Variants in LZTR1 observed in about 807,000 individuals in gnomAD.
LZTR1 encodes leucine zipper like post translational regulator 1.
LZTR1 carries 260 observed loss-of-function variants against 105.7 expected under a neutral mutation model. The ratio of observed to expected loss-of-function variants is 2.46; its 90% confidence interval spans 2.22 to 2.72. LZTR1 has a LOEUF of 2.72. Among genes scored for constraint, LZTR1 ranks in the 30% most tolerant of loss-of-function variants. LZTR1 has a pLI of 0.00. For missense variants in LZTR1, 1,214 were observed against 1,166.9 expected (o/e 1.04, Z -0.59); for synonymous variants, 490 against 476.4 (o/e 1.03, Z -0.37).
chr22:20,993,615 C>A (rs752028371), intron 11 of LZTR1, 47 bp from the exon 12 acceptor site: 1 of 1,534,552 alleles, frequency 6.5e-7, no homozygotes, highest in Non-Finnish European at 9.0e-7. Context: ...CACACTGGGG[C>A]CACCCTGCTG....
In LZTR1 at chr22:20,996,753, C is replaced by T. The variant is rs997921403; in HGVS notation, c.2277C>T (p.Tyr759=). ...TCTACAACAACCGGCTGCAGGCGTA[C>T]TGCAAGCAGAACCTGGAGATGAACG... is the stretch of plus-strand genomic sequence containing the variant. The part of the protein sequence containing the change: ...YGFYNNRLQA[Y]CKQNLEMNVT... The change falls in exon 19 of 21, where the codon TAC becomes TAT. Residue 759 remains tyrosine (Y), a synonymous_variant. Transcript: ENST00000646124. 9 of 1,613,550 alleles carry T rather than the reference C, an allele frequency of 5.6e-6. No homozygotes were observed. The highest frequency in any genetic ancestry group is 7.6e-6 in the Non-Finnish European group (9 of 1,179,998).
intron 11 of LZTR1, chr22:20,993,344 G>C (rs770772489): frequency 9.0e-5 from 45 of 498,608 alleles, no homozygotes; most frequent in Admixed American, 2.3e-4. Flanking sequence ...GTGGGGGCCA[G>C]TGTGAGGACG....
chr22:20,992,387 C>A lies in LZTR1; in HGVS notation c.1149+18C>A. 2 of 1,606,506 alleles carry A rather than the reference C, an allele frequency of 1.2e-6. No individual in the cohort carries two copies. The highest frequency in any genetic ancestry group is 2.2e-5 in the East Asian group (1 of 44,632). On this transcript the variant is annotated intron_variant, in intron 10 of 20. Coordinates refer to ENST00000646124, the MANE Select transcript of LZTR1 (RefSeq NM_006767.4). ...CCTCGGAGGTACAGGCTGGGATCCT[C>A]ATTAAGACTCCATCACCCCCTGAAA...
At chr22:20,987,915 A>G in intron 4 of LZTR1, 95 bp from the exon 5 acceptor site, 1 of 788,026 alleles carries the variant, frequency 1.3e-6, no homozygotes, top group East Asian at 2.4e-5. Context: ...TGGCTTATGC[A>G]TTTTCAGGGG....
Position 20,990,544 on chromosome 22 carries a change from G to C in LZTR1, c.791+19G>C, listed in dbSNP as rs750953728. The C allele has an allele frequency of 6.3e-7, 1 of 1,593,256 alleles. No homozygotes were observed. The highest frequency in any genetic ancestry group is 1.7e-5 in the Admixed American group (1 of 58,302). On this transcript the variant is annotated intron_variant, in intron 8 of 20. Coordinates refer to ENST00000646124, the MANE Select transcript of LZTR1 (RefSeq NM_006767.4). Reference sequence around the variant, plus strand: ...ACAAGACGTGAGTACTCTGGCCAGTGGGGTGGAGGGAGGACGGTCAGTTCC... The same window carrying C: ...ACAAGACGTGAGTACTCTGGCCAGTCGGGTGGAGGGAGGACGGTCAGTTCC...
Position 20,994,735 on chromosome 22 carries a change from G to T in LZTR1, c.1785+8G>T. 1.2e-6 allele frequency: 2 copies of T among 1,611,020 alleles called. No individual in the cohort carries two copies. The highest frequency in any genetic ancestry group is 1.1e-5 in the South Asian group (1 of 91,064). ...CAGCTGAGCCAACTCAAGGTGTGGGGTGGGGTCAGCGCAATCAGGGTTGGG... is the reference window on the plus strand; with the variant it reads ...CAGCTGAGCCAACTCAAGGTGTGGGTTGGGGTCAGCGCAATCAGGGTTGGG... On this transcript the variant is annotated splice_region_variant and intron_variant, in intron 15 of 20. Coordinates refer to ENST00000646124, the MANE Select transcript of LZTR1 (RefSeq NM_006767.4).
intron 16 of LZTR1, chr22:20,995,458 T>C: frequency 1.5e-6 from 1 of 646,726 alleles, no homozygotes; most frequent in South Asian, 1.5e-5. Flanking sequence ...GGCCATGCAG[T>C]GGGCCTGGAG....
chr22:20,987,668 C>A, intron 4 of LZTR1, 85 bp downstream of exon 4: 1 of 1,267,200 alleles, frequency 7.9e-7, no homozygotes, highest in Non-Finnish European at 1.2e-6. Context: ...GGCATTTGTG[C>A]TCGTGCTGTG....
chr22:20,996,313 G>A lies in LZTR1; in HGVS notation c.2219+201G>A, dbSNP rs961293919. 9.6e-5 allele frequency: 60 copies of A among 626,910 alleles called. No individual in the cohort carries two copies. The African/African-American group carries it at 1.1e-3, about 11-fold the overall frequency. The allele number at this position is 626,910 out of a possible 1,614,324, so 38.8% of individuals were successfully genotyped here. A position where few individuals can be genotyped will look rare whatever the true frequency, so the allele number is the denominator to read the frequency against. On this transcript the variant is annotated intron_variant, in intron 18 of 20. Coordinates refer to ENST00000646124, the MANE Select transcript of LZTR1 (RefSeq NM_006767.4). ...GCTGGCAAGGAGGGGTTTGCAGCCA[G>A]GAGGAACCAGTGGGTTCCTGACCCT...
intron 2 of LZTR1, among the ~76,000 whole-genome samples, chr22:20,984,610 AGGAGG>A (rs1924307382): frequency 5.1e-5 from 1 of 19,734 alleles, no homozygotes; most frequent in Admixed American, 3.8e-4. Flanking sequence ...GGGGCAAGTA[AGGAGG>A]GGGGGGGGGC....
chr22:20,996,702 GT>G lies in LZTR1; in HGVS notation c.2229del (p.Phe743LeufsTer24), dbSNP rs1924863769. 2 of 1,613,536 alleles carry G rather than the reference GT, an allele frequency of 1.2e-6. No homozygotes were observed. Among genetic ancestry groups the G allele is most frequent in the Non-Finnish European group, 1.7e-6 (2 of 1,179,890 alleles). ...CTCCTTAACCAGGCCCCAGCTACTT[GT>G]TTGCGGCCCCCTACTACTACGGCTT... ...NMPPEDSLYL[F>X]AAPYYYGFYN... On this transcript the variant is annotated frameshift_variant, in exon 19 of 21. Coordinates refer to ENST00000646124, the MANE Select transcript of LZTR1 (RefSeq NM_006767.4). LOFTEE classifies it high-confidence loss of function.
chr22:20,987,403 A>AG (rs397702554), intron 3 of LZTR1, 101 bp from the exon 4 acceptor site: 3 of 667,406 alleles, frequency 4.5e-6, no homozygotes, highest in Non-Finnish European at 8.1e-6. Flanking sequence ...AAAAAAAAAA[A>AG]GAAAAAAGAA....
At chr22:20,982,925 G>A (rs1306417461) in intron 1 of LZTR1, 102 bp from the exon 2 acceptor site, 1 of 895,140 alleles carries the variant, frequency 1.1e-6, no homozygotes, top group African/African-American at 1.6e-5. Context: ...GCAGTTGAGA[G>A]GTGATACCTA....
In LZTR1 at chr22:20,998,748, G is replaced by A. The variant is rs948142355; in HGVS notation, c.*1400G>A. On this transcript the variant is annotated 3_prime_UTR_variant, in exon 21 of 21. Coordinates refer to ENST00000646124, the MANE Select transcript of LZTR1 (RefSeq NM_006767.4). ...CAGGCCCAGGACCATGGCTGGGGAGGATATGTCAGCACCTGGAAGTGGAGT... is the reference window on the plus strand; with the variant it reads ...CAGGCCCAGGACCATGGCTGGGGAGAATATGTCAGCACCTGGAAGTGGAGT... 3 of 152,372 alleles carry A rather than the reference G, an allele frequency of 2.0e-5. No homozygotes were observed. The highest frequency in any genetic ancestry group is 1.9e-4 in the East Asian group (1 of 5,188). 9.4% of individuals were successfully genotyped at this position (152,372 alleles called of 1,614,324 possible).
chr22:20,982,721 G>T (rs1020203183), intron 1 of LZTR1, 150 bp downstream of exon 1: 2 of 790,944 alleles, frequency 2.5e-6, no homozygotes, highest in Non-Finnish European at 4.1e-6. Flanking sequence ...TTCAGGGCAG[G>T]GGAGAGGGTT....
At chr22:20,997,057 G>A in intron 20 of LZTR1, 91 bp downstream of exon 20, 1 of 1,349,282 alleles carries the variant, frequency 7.4e-7, no homozygotes, top group Non-Finnish European at 1.1e-6. Context: ...GTGGTCCCCT[G>A]CAGTGGTGGG....
At position 20,988,822 on chromosome 22, in the gene LZTR1, G is replaced by T; in HGVS notation, c.543G>T (p.Thr181=). The T allele has an allele frequency of 6.2e-7, 1 of 1,614,126 alleles. No individual in the cohort carries two copies. Among genetic ancestry groups the T allele is most frequent in the Non-Finnish European group, 8.5e-7 (1 of 1,180,028 alleles). Residue 181 remains threonine (T), a synonymous_variant, in exon 6 of 21, where the codon ACG becomes ACT. Coordinates refer to ENST00000646124, the MANE Select transcript of LZTR1 (RefSeq NM_006767.4). ...LPVARSAHGA[T]VYSDKLWIFA... is the part of the protein sequence containing the mutation. Reference sequence around the variant, plus strand: ...TCGCTAGGTCAGCCCATGGGGCCACGGTGTACAGTGACAAGCTGTGGATCT... The same window carrying T: ...TCGCTAGGTCAGCCCATGGGGCCACTGTGTACAGTGACAAGCTGTGGATCT...
chr22:20,996,961 A>G lies in LZTR1; in HGVS notation c.2401A>G (p.Thr801Ala). ...HCLHIIVHQF[T>A]KVSKLPTLRS... ...CCTGCACATCATTGTGCACCAGTTC[A>G]CCAAGGTCAGGGCTCTGGCCTCCCC... Residue 801 changes from threonine to alanine, a missense_variant, in exon 20 of 21, where the codon ACC (threonine) becomes GCC (alanine). Coordinates refer to ENST00000646124, the MANE Select transcript of LZTR1 (RefSeq NM_006767.4). 1 of 1,613,730 alleles carries G rather than the reference A, an allele frequency of 6.2e-7. No individual in the cohort carries two copies. Among genetic ancestry groups the G allele is most frequent in the South Asian group, 1.1e-5 (1 of 91,088 alleles).
rs1020179357 is a variant in LZTR1, at chr22:20,993,825, A to T, written c.1353+71A>T. 12 of 1,571,306 alleles carry T rather than the reference A, an allele frequency of 7.6e-6. No individual in the cohort carries two copies. In the African/African-American group the frequency reaches 1.5e-4, roughly 19 times the overall value. On this transcript the variant is annotated intron_variant, in intron 12 of 20. Coordinates refer to ENST00000646124, the MANE Select transcript of LZTR1 (RefSeq NM_006767.4). ...AGTGGGAATTTCGCCCCTCAGAAAA[A>T]CAGCTGCTGGCCTGGTGGTGCTGAC...
Sources: gnomAD v4.1 joint callset for allele counts (sites outside exome capture counted in the v4.1 genomes callset) on GRCh38, gnomAD v4.1.1 for gene constraint, MANE v1.5 for transcripts, NCBI Gene and HGNC (gene_info 2026-07-23, HGNC 2026-07-21) for gene names.